The following SETD3 variants were observed in gnomAD, a reference collection of about 807,000 sequenced individuals.
SETD3 encodes actin-histidine N-methyltransferase.
SETD3 carries 19 observed loss-of-function variants against 63.0 expected under a neutral mutation model. The observed-to-expected ratio is 0.30, with a 90% CI of 0.21 to 0.44. The LOEUF (loss-of-function observed/expected upper bound fraction) is 0.44. SETD3 is among the 20% of genes least tolerant of loss of function. The probability of loss-of-function intolerance (pLI) is 1.00; values close to 1 mark genes in which losing one functional copy is unlikely to be tolerated. For synonymous variants in SETD3, 286 were observed against 264.1 expected, an observed-to-expected ratio of 1.08 and a Z score of -0.80; for missense variants, 587 against 728.5, an observed-to-expected ratio of 0.81 and a Z score of 2.24.
intron 3 of SETD3, among the ~76,000 whole-genome samples, chr14:99,462,272 C>T (rs992918719): frequency 8.5e-5 from 13 of 152,148 alleles, no homozygotes; most frequent in African/African-American, 3.1e-4. Flanking sequence ...TTCAGCATGT[C>T]CTATGTAGTC....
At chr14:99,410,186 G>C in intron 8 of SETD3, 2 of 1,613,136 alleles carry the variant, frequency 1.2e-6, no homozygotes, top group South Asian at 2.2e-5. Flanking sequence ...AGGCAGAGGC[G>C]ACAGCAAGAG....
intron 8 of SETD3, chr14:99,410,339 T>C (rs1891918818): frequency 1.6e-5 from 21 of 1,322,658 alleles, no homozygotes; most frequent in Non-Finnish European, 2.0e-5. Context: ...GTAAGACTCA[T>C]CTAAATATAA....
chr14:99,439,105 C>A (rs1007007984), intron 6 of SETD3, among the ~76,000 whole-genome samples: 1 of 152,220 alleles, frequency 6.6e-6, no homozygotes, highest in Non-Finnish European at 1.5e-5. Context: ...CCACTTGATC[C>A]CAACTTTGGC....
At chr14:99,417,824 C>T (rs1892363847) in intron 6 of SETD3, among the ~76,000 whole-genome samples, 1 of 152,018 alleles carries the variant, frequency 6.6e-6, no homozygotes, top group Non-Finnish European at 1.5e-5. Context: ...AAAGTATTTC[C>T]ATAAATACAT....
intron 6 of SETD3, among the ~76,000 whole-genome samples, chr14:99,443,130 C>CT (rs1396075851): frequency 6.6e-6 from 1 of 152,034 alleles, no homozygotes; most frequent in Admixed American, 6.5e-5. Flanking sequence ...TTATAAGGAT[C>CT]TAAACAAATG....
Position 99,398,973 on chromosome 14 carries a change from A to C in SETD3, c.1491T>G (p.Ala497=). Residue 497 remains alanine (A), a synonymous_variant, in exon 13 of 13, where the codon GCT becomes GCG. Transcript: ENST00000331768. ...TACTCTCTTCATATTTGGGAAGCGGAGCCTTTTCCTCCATCTGTTGGCGAT... is the reference window on the plus strand; with the variant it reads ...TACTCTCTTCATATTTGGGAAGCGGCGCCTTTTCCTCCATCTGTTGGCGAT... The part of the protein sequence containing the change: ...EYYRQQMEEK[A]PLPKYEESNL... The C allele has an allele frequency of 6.2e-7, 1 of 1,614,148 alleles. No homozygotes were observed. Among genetic ancestry groups the C allele is most frequent in the African/African-American group, 1.3e-5 (1 of 75,030 alleles).
chr14:99,401,307 C>T (rs1021944265), intron 11 of SETD3, among the ~76,000 whole-genome samples: 5 of 152,260 alleles, frequency 3.3e-5, no homozygotes, highest in East Asian at 1.9e-4. Context: ...TTTTATCTCC[C>T]GGCACATTAT....
intron 1 of SETD3, among the ~76,000 whole-genome samples, 162 bp downstream of exon 1, chr14:99,480,566 C>T (rs1179103088): frequency 6.6e-6 from 1 of 150,904 alleles, no homozygotes; most frequent in East Asian, 2.0e-4. Flanking sequence ...CCCCTTCAAG[C>T]CCCGGGGCCA....
intron 4 of SETD3, 99 bp from the exon 5 acceptor site, chr14:99,459,284 A>T: frequency 1.4e-6 from 1 of 734,290 alleles, no homozygotes; most frequent in Non-Finnish European, 2.3e-6. Context: ...ATGAAGTACA[A>T]CTTAAGGCTG....
chr14:99,404,325 A>G lies in SETD3; in HGVS notation c.1092-15T>C. 1.2e-6 allele frequency: 2 copies of G among 1,612,390 alleles called. No homozygotes were observed. The highest frequency in any genetic ancestry group is 1.7e-6 in the Non-Finnish European group (2 of 1,178,498). ...AAACACTGGAACTGATAAAAGCAGA[A>G]AGCAAGATCAGTCACCCTGCTGCGG... On this transcript the variant is annotated splice_polypyrimidine_tract_variant and intron_variant, in intron 10 of 12. Transcript: ENST00000331768.
At chr14:99,481,509 C>A, upstream of SETD3, 1 of 398,652 alleles carries the variant, frequency 2.5e-6, no homozygotes, top group Non-Finnish European at 4.4e-6. Flanking sequence ...AGGGCAGCGC[C>A]GCCCACCTCC....
chr14:99,418,703 C>A (rs574265611), intron 6 of SETD3, among the ~76,000 whole-genome samples: 2 of 152,192 alleles, frequency 1.3e-5, no homozygotes, highest in South Asian at 2.1e-4. Context: ...CCTATAGAGA[C>A]CCCCTTCCTC....
chr14:99,481,307 A>G (rs1200851348), upstream of SETD3: 3 of 395,952 alleles, frequency 7.6e-6, no homozygotes, highest in Non-Finnish European at 1.3e-5. Flanking sequence ...TCCTCTTTTG[A>G]GAGCTCTGCT....
intron 6 of SETD3, among the ~76,000 whole-genome samples, chr14:99,441,243 A>C (rs1893793667): frequency 6.6e-6 from 1 of 152,222 alleles, no homozygotes; most frequent in African/African-American, 2.4e-5. Context: ...ATATCTCCTT[A>C]TACCACTTAC....
chr14:99,446,211 G>C (rs1404430754), intron 6 of SETD3, among the ~76,000 whole-genome samples: 1 of 152,214 alleles, frequency 6.6e-6, no homozygotes, highest in Non-Finnish European at 1.5e-5. Context: ...GCCTCTGTCA[G>C]GGCCCTCAGC....
chr14:99,462,142 G>C (rs1895100425), intron 3 of SETD3, among the ~76,000 whole-genome samples: 1 of 152,146 alleles, frequency 6.6e-6, no homozygotes, highest in Admixed American at 6.5e-5. Context: ...GGCTGAGGAA[G>C]GGAAAGGAAA....
At chr14:99,463,401 G>A in intron 3 of SETD3, 85 bp downstream of exon 3, 1 of 978,542 alleles carries the variant, frequency 1.0e-6, no homozygotes, top group African/African-American at 1.6e-5. Flanking sequence ...ATGATGCTGA[G>A]ACCTTTACTA....
intron 6 of SETD3, among the ~76,000 whole-genome samples, chr14:99,424,383 A>C (rs533889535): frequency 6.6e-6 from 1 of 152,176 alleles, no homozygotes; most frequent in South Asian, 2.1e-4. Flanking sequence ...CTGGGCAGGG[A>C]AAGAAGCCAG....
At chr14:99,437,722 CAAT>C (rs1893565909) in intron 6 of SETD3, among the ~76,000 whole-genome samples, 1 of 152,156 alleles carries the variant, frequency 6.6e-6, no homozygotes, top group African/African-American at 2.4e-5. Flanking sequence ...TGATTCGTCT[CAAT>C]AAATCTCTTT....
Sources: allele counts gnomAD v4.1 joint callset (sites outside exome capture counted in the v4.1 genomes callset), GRCh38; gene constraint gnomAD v4.1.1; transcripts MANE v1.5; gene names NCBI Gene and HGNC (gene_info 2026-07-23, HGNC 2026-07-21).